RGS22: variants seen among roughly 807,000 people sequenced by gnomAD.
RGS22 encodes the protein regulator of G protein signaling 22.
RGS22 carries 148 observed loss-of-function variants against 172.9 expected under a neutral mutation model. That is an observed-to-expected ratio of 0.86 (90% CI 0.75 to 0.98). RGS22 has a LOEUF of 0.98. Ranked by LOEUF, RGS22 falls within the 50% of genes least tolerant of loss-of-function variation. The pLI is 0.00. For synonymous variants in RGS22, 458 were observed against 480.2 expected, an observed-to-expected ratio of 0.95 and a Z score of 0.60; for missense variants, 1,347 against 1,440.8, an observed-to-expected ratio of 0.93 and a Z score of 1.05.
Position 100,041,844 on chromosome 8 carries a change from C to T in RGS22, c.1896G>A (p.Lys632=), listed in dbSNP as rs750756331. The T allele has an allele frequency of 6.2e-7, 1 of 1,613,170 alleles. No homozygotes were observed. Among genetic ancestry groups the T allele is most frequent in the Non-Finnish European group, 8.5e-7 (1 of 1,179,414 alleles). The part of the protein sequence containing the change: ...TSFTDISECL[K]PQLDRRYAYT... ...AAGCGTATCTTCTATCCAGCTGGGG[C>T]TTGAGACATTCAGAAATGTCAGTAA... is the stretch of plus-strand genomic sequence containing the variant. The change falls in exon 12 of 28, where the codon AAG becomes AAA. Residue 632 remains lysine (K), a synonymous_variant. Coordinates refer to ENST00000360863, the MANE Select transcript of RGS22 (RefSeq NM_015668.5).
At position 100,104,992 on chromosome 8, in the gene RGS22, T is replaced by C. The variant is rs73276952; in HGVS notation, c.54+382A>G. On this transcript the variant is annotated intron_variant, in intron 2 of 27. Coordinates refer to ENST00000360863, the MANE Select transcript of RGS22 (RefSeq NM_015668.5). ...AGTACATTTGTAAAGGAATGATAAA[T>C]TGACCACTCTTTATCCATCAACGCC... Among the ~76,000 whole-genome samples, 848 of 152,352 alleles carry C rather than the reference T, an allele frequency of 5.6e-3. 13 individuals carry two copies. Among genetic ancestry groups the C allele is most frequent in the African/African-American group, 0.02 (820 of 41,574 alleles).
At chr8:99,988,793 G>A (rs773624215) in intron 20 of RGS22, among the ~76,000 whole-genome samples, 5 of 152,204 alleles carry the variant, frequency 3.3e-5, no homozygotes, top group Admixed American at 1.3e-4. Context: ...CCATTAACCC[G>A]GATAAAGTGA....
chr8:100,039,596 G>A (rs902168075), intron 13 of RGS22, among the ~76,000 whole-genome samples: 16 of 151,688 alleles, frequency 1.1e-4, no homozygotes, highest in Admixed American at 7.9e-4. Context: ...GGCTGGTCTC[G>A]AACTCTTGAC....
intron 23 of RGS22, among the ~76,000 whole-genome samples, chr8:99,976,091 G>A (rs1278418397): frequency 6.6e-6 from 1 of 152,044 alleles, no homozygotes; most frequent in African/African-American, 2.4e-5. Context: ...TCAGGAGGCT[G>A]AGGCACAAGA....
In RGS22 at chr8:99,988,450, C is replaced by T. The variant is rs1318114863; in HGVS notation, c.3019-831G>A. Among the ~76,000 whole-genome samples, 8 of 152,144 alleles carry T rather than the reference C, an allele frequency of 5.3e-5. No individual in the cohort carries two copies. In the East Asian group the frequency reaches 7.7e-4, roughly 15 times the overall value. ...CTTTCAGATTGAAAACATAAGAAAT[C>T]GATTTTATTGAATTCACTAAATAGA... On this transcript the variant is annotated intron_variant, in intron 20 of 27. Transcript: ENST00000360863.
chr8:99,980,364 T>A (rs1188788765), intron 22 of RGS22, among the ~76,000 whole-genome samples: 2 of 152,114 alleles, frequency 1.3e-5, no homozygotes, highest in Non-Finnish European at 2.9e-5. Flanking sequence ...ACATTATGAG[T>A]CATGTTGCAG....
At position 100,098,144 on chromosome 8, in the gene RGS22, T is replaced by C. The variant is rs540546382; in HGVS notation, c.55-4635A>G. Among the ~76,000 whole-genome samples the C allele has an allele frequency of 3.3e-5, 5 of 152,076 alleles. No individual in the cohort carries two copies. The South Asian group carries it at 6.2e-4, about 19-fold the overall frequency. ...TTCCCCTATAAAAACCTTTATCACT[T>C]CATACTATAATTGTTTACATGTCTC... is the stretch of plus-strand genomic sequence containing the variant. On this transcript the variant is annotated intron_variant, in intron 2 of 27. Transcript: ENST00000360863.
chr8:100,038,417 A>G (rs1158237196), intron 14 of RGS22: 1 of 151,740 alleles, frequency 6.6e-6, no homozygotes, highest in East Asian at 1.9e-4. Context: ...TCTGTCTCCT[A>G]TGACATGTAG....
intron 14 of RGS22, among the ~76,000 whole-genome samples, chr8:100,014,621 A>T (rs543288805): frequency 3.8e-4 from 57 of 151,914 alleles, no homozygotes; most frequent in Admixed American, 7.9e-4. Flanking sequence ...CTTTCTCTTG[A>T]TTCTATGCCA....
At chr8:99,967,532 C>T (rs1050673247) in intron 23 of RGS22, among the ~76,000 whole-genome samples, 11 of 152,140 alleles carry the variant, frequency 7.2e-5, no homozygotes, top group Non-Finnish European at 1.0e-4. Flanking sequence ...CTGGGACACT[C>T]GAGCTTGGTA....
chr8:100,060,402 GTATA>G (rs72050805), intron 9 of RGS22, among the ~76,000 whole-genome samples: 5,108 of 102,966 alleles, frequency 0.05, 541 homozygotes, highest in South Asian at 0.13. Context: ...TTAGCTACGT[GTATA>G]TATATATATA....
intron 9 of RGS22, among the ~76,000 whole-genome samples, chr8:100,062,184 A>G (rs769212205): frequency 1.3e-5 from 2 of 152,194 alleles, no homozygotes; most frequent in Non-Finnish European, 2.9e-5. Flanking sequence ...GGATCAGGAA[A>G]AATAACTAAT....
chr8:99,987,624 C>A lies in RGS22; in HGVS notation c.3019-5G>T. ...GATCCACTTACTCTCCACAGGCTGT[C>A]CAAAGCAGAGAATATAGGAAATTAG... On this transcript the variant is annotated splice_region_variant and splice_polypyrimidine_tract_variant and intron_variant, in intron 20 of 27. Coordinates refer to ENST00000360863, the MANE Select transcript of RGS22 (RefSeq NM_015668.5). 1 of 1,569,192 alleles carries A rather than the reference C, an allele frequency of 6.4e-7. No homozygotes were observed. The highest frequency in any genetic ancestry group is 1.2e-5 in the South Asian group (1 of 83,480).
chr8:99,987,908 T>A (rs143115055), intron 20 of RGS22, among the ~76,000 whole-genome samples: 4 of 152,186 alleles, frequency 2.6e-5, no homozygotes, highest in African/African-American at 9.6e-5. Context: ...TACTTTTTAG[T>A]GCATTGTATG....
At chr8:99,972,198 T>G (rs1160940785) in intron 23 of RGS22, among the ~76,000 whole-genome samples, 1 of 152,200 alleles carries the variant, frequency 6.6e-6, no homozygotes, top group Non-Finnish European at 1.5e-5. Context: ...GCTAGCCATA[T>G]GCAGAAAACT....
rs191067135 is a variant in RGS22 at position 99,964,686 on chromosome 8, A to C, written c.3615+649T>G. 1.1e-3 allele frequency among the ~76,000 whole-genome samples: 164 copies of C among 152,250 alleles called. 1 individual carries two copies. The highest frequency in any genetic ancestry group is 5.6e-4 in the Non-Finnish European group (38 of 68,008). ...TAAAATTGGATATTTCTCTTCTCTCAATAATAGCTTCATAGTTAGCCAGTT... is the reference window on the plus strand; with the variant it reads ...TAAAATTGGATATTTCTCTTCTCTCCATAATAGCTTCATAGTTAGCCAGTT... On this transcript the variant is annotated intron_variant, in intron 24 of 27. Transcript: ENST00000360863.
intron 3 of RGS22, among the ~76,000 whole-genome samples, chr8:100,083,822 TTTC>T (rs1487338856): frequency 8.0e-6 from 1 of 124,246 alleles, no homozygotes; most frequent in African/African-American, 2.9e-5. Flanking sequence ...GACCGCGTAA[TTTC>T]TTTTCTTTTT....
At chr8:100,092,682 G>C (rs1812673406) in intron 3 of RGS22, among the ~76,000 whole-genome samples, 1 of 152,100 alleles carries the variant, frequency 6.6e-6, no homozygotes, top group Non-Finnish European at 1.5e-5. Flanking sequence ...TCAACTTCCA[G>C]AACTGTGAGC....
chr8:100,057,874 C>T (rs1455705523), intron 9 of RGS22, among the ~76,000 whole-genome samples: 1 of 152,106 alleles, frequency 6.6e-6, no homozygotes, highest in Non-Finnish European at 1.5e-5. Context: ...TGAAATATGG[C>T]AACAGGGACC....
Sources: gnomAD v4.1 joint callset for allele counts (sites outside exome capture counted in the v4.1 genomes callset) on GRCh38, gnomAD v4.1.1 for gene constraint, MANE v1.5 for transcripts, NCBI Gene and HGNC (gene_info 2026-07-23, HGNC 2026-07-21) for gene names.